The following TAFA5 variants were observed in gnomAD, a reference collection of about 807,000 sequenced individuals.
TAFA5 encodes chemokine-like protein TAFA-5.
A neutral mutation model predicts 15.3 loss-of-function variants in TAFA5; 6 were observed. The ratio of observed to expected loss-of-function variants is 0.39; its 90% confidence interval spans 0.21 to 0.77. The LOEUF is 0.77. Among genes scored for constraint, TAFA5 ranks in the 30% least tolerant of loss-of-function variants. The pLI, the probability that TAFA5 is intolerant of heterozygous loss-of-function variation, is 0.41. For synonymous variants in TAFA5, 103 were observed against 80.7 expected (o/e 1.28, Z -1.48); for missense variants, 161 against 193.1 (o/e 0.83, Z 0.98).
intron 1 of TAFA5, among the ~76,000 whole-genome samples, chr22:48,632,383 A>G (rs1168658605): frequency 6.6e-6 from 1 of 152,194 alleles, no homozygotes; most frequent in African/African-American, 2.4e-5. Context: ...TTATAGAGTA[A>G]GAAACCAAGG....
chr22:48,527,647 C>G lies in TAFA5; in HGVS notation c.112+37943C>G, dbSNP rs80088139. On this transcript the variant is annotated intron_variant, in intron 1 of 3. Coordinates refer to ENST00000402357, the MANE Select transcript of TAFA5 (RefSeq NM_001082967.3). The stretch of plus-strand genomic sequence containing the variant: ...AGGGAGGTGAGGTCCCACCACAGCA[C>G]CTGTTGGAAGCCCTGTGGGAAGCCG... Among the ~76,000 whole-genome samples, 2,792 of 152,318 alleles carry G rather than the reference C, an allele frequency of 0.018. 134 individuals are homozygous for G. In the East Asian group the frequency reaches 0.19, roughly 10 times the overall value.
intron 1 of TAFA5, chr22:48,546,972 C>T: frequency 6.1e-6 from 1 of 164,444 alleles, no homozygotes; most frequent in Middle Eastern, 3.0e-3. Context: ...TTTGTTTTTC[C>T]AGACTCTGTC....
chr22:48,542,593 GTGTGTA>G (rs1196283553), intron 1 of TAFA5, among the ~76,000 whole-genome samples: 29 of 102,886 alleles, frequency 2.8e-4, no homozygotes, highest in African/African-American at 1.0e-3. Context: ...CGGGTGTGTG[GTGTGTA>G]TGTGTGTGTG....
intron 2 of TAFA5, among the ~76,000 whole-genome samples, chr22:48,670,081 G>A (rs1342132083): frequency 6.6e-6 from 1 of 152,180 alleles, no homozygotes; most frequent in Non-Finnish European, 1.5e-5. Context: ...ATGTCCCAGA[G>A]CCAGATGTTC....
intron 1 of TAFA5, among the ~76,000 whole-genome samples, chr22:48,615,964 A>G (rs1256021534): frequency 6.6e-6 from 1 of 152,114 alleles, no homozygotes; most frequent in Non-Finnish European, 1.5e-5. Context: ...CTGTTTCTAC[A>G]CTGGTGGAGG....
intron 3 of TAFA5, among the ~76,000 whole-genome samples, chr22:48,740,856 C>G (rs1042693299): frequency 6.6e-6 from 1 of 152,158 alleles, no homozygotes; most frequent in Admixed American, 6.5e-5. Context: ...AGTGACCCCC[C>G]GCCCTCACCC....
intron 1 of TAFA5, among the ~76,000 whole-genome samples, chr22:48,533,457 G>C (rs11704253): frequency 6.6e-6 from 1 of 152,158 alleles, no homozygotes; most frequent in Non-Finnish European, 1.5e-5. Flanking sequence ...GGTCTTCAGC[G>C]TCTTGGCCTC....
At chr22:48,613,672 G>A (rs2147175697) in intron 1 of TAFA5, among the ~76,000 whole-genome samples, 1 of 152,352 alleles carries the variant, frequency 6.6e-6, no homozygotes, top group Middle Eastern at 3.4e-3. Context: ...AGTCCGCAGT[G>A]TGATCTTGGC....
At chr22:48,531,811 C>A (rs918642146) in intron 1 of TAFA5, among the ~76,000 whole-genome samples, 23 of 152,170 alleles carry the variant, frequency 1.5e-4, no homozygotes, top group East Asian at 3.9e-4. Context: ...GGAGGCTGAC[C>A]CTGGAGGAAG....
intron 3 of TAFA5, 43 bp from the exon 4 acceptor site, chr22:48,749,796 G>T: frequency 6.4e-7 from 1 of 1,557,630 alleles, no homozygotes; most frequent in East Asian, 2.4e-5. Context: ...GCCCTGGGCA[G>T]CGTCTGCAGG....
At chr22:48,585,658 C>T (rs533199605) in intron 1 of TAFA5, among the ~76,000 whole-genome samples, 1 of 135,700 alleles carries the variant, frequency 7.4e-6, no homozygotes, top group Admixed American at 7.2e-5. Context: ...ATGCATTATG[C>T]ACACACACCA....
In TAFA5 at chr22:48,552,923, AC is replaced by A. The variant is rs1046909892; in HGVS notation, c.112+63223del. Among the ~76,000 whole-genome samples, 2 of 151,790 alleles carry A rather than the reference AC, an allele frequency of 1.3e-5. No homozygotes were observed. Among genetic ancestry groups the A allele is most frequent in the African/African-American group, 4.8e-5 (2 of 41,314 alleles). ...GCCCTGTCTGCATTCCCTGCAGAAT[AC>A]CCCAGAGACTCAGACCTGGGGCTGA... On this transcript the variant is annotated intron_variant, in intron 1 of 3. Transcript: ENST00000402357. The surrounding 1 kb of genome is among the most constrained non-coding windows in gnomAD (Gnocchi z 4.1).
chr22:48,694,674 T>C (rs1454254161), intron 2 of TAFA5, among the ~76,000 whole-genome samples: 1 of 152,112 alleles, frequency 6.6e-6, no homozygotes, highest in African/African-American at 2.4e-5. Context: ...TGATGTTCTC[T>C]GTGTCCCCGG....
At chr22:48,728,348 A>G (rs2147265375) in intron 3 of TAFA5, among the ~76,000 whole-genome samples, 1 of 152,350 alleles carries the variant, frequency 6.6e-6, no homozygotes, top group Non-Finnish European at 1.5e-5. Context: ...AGCCACACTC[A>G]CAGAAGGTCA....
intron 3 of TAFA5, among the ~76,000 whole-genome samples, chr22:48,712,086 C>T (rs1355988099): frequency 2.0e-5 from 3 of 152,208 alleles, no homozygotes; most frequent in African/African-American, 7.2e-5. Flanking sequence ...GATGGAGTTT[C>T]GCTCTTGTCA....
At chr22:48,515,681 A>G (rs947709600) in intron 1 of TAFA5, among the ~76,000 whole-genome samples, 4 of 152,144 alleles carry the variant, frequency 2.6e-5, no homozygotes, top group Non-Finnish European at 4.4e-5. Context: ...TGCTGCATCC[A>G]ATGCCCAATG....
chr22:48,608,801 C>T (rs539180673), intron 1 of TAFA5, among the ~76,000 whole-genome samples: 4 of 152,318 alleles, frequency 2.6e-5, no homozygotes, highest in South Asian at 2.1e-4. Flanking sequence ...AGCTCCAGGC[C>T]TTCGTTCCAA....
intron 1 of TAFA5, among the ~76,000 whole-genome samples, chr22:48,604,625 T>C (rs1009973610): frequency 2.0e-5 from 3 of 152,168 alleles, no homozygotes; most frequent in African/African-American, 7.2e-5. Flanking sequence ...TCGAAATTTC[T>C]CCCATGGAAG....
intron 1 of TAFA5, among the ~76,000 whole-genome samples, chr22:48,541,773 G>A (rs1458510398): frequency 6.6e-6 from 1 of 152,194 alleles, no homozygotes; most frequent in African/African-American, 2.4e-5. Context: ...CCTCAGGGGT[G>A]GCAAGGTCTG....
Sources: gnomAD v4.1 joint callset for allele counts (sites outside exome capture counted in the v4.1 genomes callset) on GRCh38, gnomAD v4.1.1 for gene constraint, Gnocchi (gnomAD v3.1) non-coding constraint, MANE v1.5 for transcripts, NCBI Gene and HGNC (gene_info 2026-07-23, HGNC 2026-07-21) for gene names.